Variants in ZSCAN25 observed in about 807,000 individuals in gnomAD.
The protein encoded by ZSCAN25 is zinc finger and SCAN domain containing 25.
In ZSCAN25, 27 loss-of-function variants were observed where a neutral mutation model predicts 38.7. The ratio of observed to expected loss-of-function variants is 0.70; its 90% CI spans 0.51 to 0.96. The LOEUF (loss-of-function observed/expected upper bound fraction) is 0.96, where lower values mean the gene tolerates loss of function less well. Among genes scored for constraint, ZSCAN25 ranks in the 40% least tolerant of loss-of-function variants. ZSCAN25 has a pLI of 0.00. For synonymous variants in ZSCAN25, 273 were observed against 277.7 expected, an observed-to-expected ratio of 0.98 and a Z score of 0.17; for missense variants, 637 against 705.9, an observed-to-expected ratio of 0.90 and a Z score of 1.11.
chr7:99,672,699 C>G, the ZSCAN25 span: 5 of 1,612,906 alleles, frequency 3.1e-6, no homozygotes, highest in Admixed American at 1.7e-5. Flanking sequence ...GACAACGGAG[C>G]TGATTAAACT....
chr7:99,734,987 A>G, the ZSCAN25 span: 2 of 1,613,774 alleles, frequency 1.2e-6, no homozygotes, highest in Non-Finnish European at 8.5e-7. Context: ...CCCAAGTCCA[A>G]GGAAACAGAG....
At chr7:99,664,193 A>G in the ZSCAN25 span, 1 of 1,035,802 alleles carries the variant, frequency 9.7e-7, no homozygotes, top group East Asian at 2.5e-5. Flanking sequence ...GAATAAGAAC[A>G]TCATGATTCT....
the ZSCAN25 span, among the ~76,000 whole-genome samples, chr7:99,644,882 C>T: frequency 6.6e-6 from 1 of 152,026 alleles, no homozygotes; most frequent in African/African-American, 2.4e-5. Context: ...GAGGGTCAGA[C>T]GTGAGACCTT....
chr7:99,736,010 C>T, the ZSCAN25 span, among the ~76,000 whole-genome samples: 2 of 152,294 alleles, frequency 1.3e-5, no homozygotes, highest in East Asian at 1.9e-4. Flanking sequence ...CAGATTTGTC[C>T]TCTGTGATTC....
At chr7:99,725,067 G>A in the ZSCAN25 span, among the ~76,000 whole-genome samples, 1 of 152,118 alleles carries the variant, frequency 6.6e-6, no homozygotes, top group East Asian at 1.9e-4. Context: ...GGTATAGCTA[G>A]GTGAGATTAC....
At chr7:99,628,476 A>C (rs1036525445) in intron 7 of ZSCAN25, among the ~76,000 whole-genome samples, 2 of 152,136 alleles carry the variant, frequency 1.3e-5, no homozygotes, top group African/African-American at 4.8e-5. Flanking sequence ...GAAGGATCAG[A>C]GTGAGGATGA....
chr7:99,696,430 G>A, the ZSCAN25 span, among the ~76,000 whole-genome samples: 1 of 152,120 alleles, frequency 6.6e-6, no homozygotes, highest in Non-Finnish European at 1.5e-5. Flanking sequence ...TCATAGAGGG[G>A]TGTCAGAGGA....
At chr7:99,724,376 A>G in the ZSCAN25 span, among the ~76,000 whole-genome samples, 1 of 152,188 alleles carries the variant, frequency 6.6e-6, no homozygotes, top group East Asian at 1.9e-4. Context: ...AAAAATGGGC[A>G]AATGGTCTGA....
the ZSCAN25 span, among the ~76,000 whole-genome samples, chr7:99,696,311 G>A: frequency 6.6e-6 from 1 of 151,642 alleles, no homozygotes; most frequent in Non-Finnish European, 1.5e-5. Flanking sequence ...GAGGGTCACT[G>A]AGAGCCTATG....
At chr7:99,736,392 A>G in the ZSCAN25 span, among the ~76,000 whole-genome samples, 1 of 152,162 alleles carries the variant, frequency 6.6e-6, no homozygotes, top group Admixed American at 6.5e-5. Flanking sequence ...CTTTTTGACA[A>G]GTGGAGGATT....
chr7:99,626,089 C>T (rs888697293), intron 7 of ZSCAN25, among the ~76,000 whole-genome samples: 2 of 152,336 alleles, frequency 1.3e-5, no homozygotes, highest in East Asian at 1.9e-4. Context: ...CATTAGCAGA[C>T]GGTGAGGTGC....
chr7:99,664,831 A>G, the ZSCAN25 span, among the ~76,000 whole-genome samples: 1 of 152,232 alleles, frequency 6.6e-6, no homozygotes. Flanking sequence ...GACTAAAATA[A>G]ACTCATGAAA....
the ZSCAN25 span, among the ~76,000 whole-genome samples, chr7:99,642,663 A>G: frequency 1.3e-5 from 2 of 152,174 alleles, no homozygotes; most frequent in African/African-American, 2.4e-5. Flanking sequence ...AGCACTCCCC[A>G]TCAGTCTCTA....
At chr7:99,699,839 A>G in the ZSCAN25 span, 1 of 658,870 alleles carries the variant, frequency 1.5e-6, no homozygotes, top group Non-Finnish European at 2.8e-6. Flanking sequence ...ATGTGTTTGT[A>G]GCATCCAAGA....
chr7:99,719,843 C>G, the ZSCAN25 span, among the ~76,000 whole-genome samples: 7 of 152,006 alleles, frequency 4.6e-5, no homozygotes, highest in Non-Finnish European at 1.0e-4. Flanking sequence ...ACTAAAAATA[C>G]AAAAATTAGT....
chr7:99,640,291 TG>T, the ZSCAN25 span, among the ~76,000 whole-genome samples: 1 of 152,154 alleles, frequency 6.6e-6, no homozygotes, highest in Non-Finnish European at 1.5e-5. Flanking sequence ...CCAGAGTAGC[TG>T]GGATTACAGG....
chr7:99,650,072 C>T, the ZSCAN25 span: 2 of 1,614,000 alleles, frequency 1.2e-6, no homozygotes, highest in Non-Finnish European at 1.7e-6. Flanking sequence ...AGTGTACTGA[C>T]CTGTGTTTCT....
At chr7:99,664,395 G>T in the ZSCAN25 span, among the ~76,000 whole-genome samples, 1 of 152,084 alleles carries the variant, frequency 6.6e-6, no homozygotes, top group East Asian at 1.9e-4. Context: ...TAGAGTTTTT[G>T]GATTAATGTA....
the ZSCAN25 span, among the ~76,000 whole-genome samples, chr7:99,675,623 TTTTCTC>T: frequency 9.9e-6 from 1 of 101,466 alleles, no homozygotes; most frequent in Non-Finnish European, 2.0e-5. Flanking sequence ...TCTCCTCTCC[TTTTCTC>T]TCCTCTCCTC....
Sources: gnomAD v4.1 joint callset for allele counts (sites outside exome capture counted in the v4.1 genomes callset) on GRCh38, gnomAD v4.1.1 for gene constraint, MANE v1.5 for transcripts, NCBI Gene and HGNC (gene_info 2026-07-23, HGNC 2026-07-21) for gene names.